PTK2: variants seen among roughly 807,000 people sequenced by gnomAD.
PTK2 encodes protein tyrosine kinase 2.
PTK2 carries 45 observed loss-of-function variants against 150.1 expected under a neutral mutation model. That is an observed-to-expected ratio of 0.30 (90% CI 0.24 to 0.38). The LOEUF (loss-of-function observed/expected upper bound fraction) is 0.38, where lower values mean the gene tolerates loss of function less well. PTK2 is among the 10% of genes least tolerant of loss of function. The pLI is 1.00. For missense variants in PTK2, 919 were observed against 1,307.3 expected (o/e 0.70, Z 4.58); for synonymous variants, 432 against 449.2 (o/e 0.96, Z 0.48).
At chr8:140,872,152 C>A (rs1262164499) in intron 4 of PTK2, among the ~76,000 whole-genome samples, 1 of 152,182 alleles carries the variant, frequency 6.6e-6, no homozygotes, top group East Asian at 1.9e-4. Flanking sequence ...TCAAGCGATT[C>A]TCCAGCCTCA....
chr8:140,774,370 G>A (rs1031934095), intron 14 of PTK2, among the ~76,000 whole-genome samples: 1 of 152,196 alleles, frequency 6.6e-6, no homozygotes, highest in African/African-American at 2.4e-5. Flanking sequence ...GATAAGAAAA[G>A]CAGTTTGAAC....
intron 31 of PTK2, among the ~76,000 whole-genome samples, chr8:140,661,149 C>A (rs1650272414): frequency 6.6e-6 from 1 of 152,176 alleles, no homozygotes; most frequent in African/African-American, 2.4e-5. Context: ...GTGAAAGCCA[C>A]ACCTAGTTGA....
At chr8:140,892,466 G>C (rs2100154566) in intron 2 of PTK2, 1 of 257,574 alleles carries the variant, frequency 3.9e-6, no homozygotes, top group Non-Finnish European at 7.7e-6. Flanking sequence ...AGCCCAAGAG[G>C]GGAAGGCTAC....
chr8:140,763,345 A>G (rs1210676847), intron 15 of PTK2, among the ~76,000 whole-genome samples: 1 of 152,154 alleles, frequency 6.6e-6, no homozygotes, highest in Non-Finnish European at 1.5e-5. Context: ...CACCTATAAC[A>G]TTTATTTTAC....
chr8:140,706,432 C>A lies in PTK2; in HGVS notation c.2143-227G>T, dbSNP rs575213142. Among the ~76,000 whole-genome samples the A allele has an allele frequency of 5.3e-5, 8 of 152,300 alleles. 1 individual carries two copies. The highest frequency in any genetic ancestry group is 9.6e-5 in the African/African-American group (4 of 41,568). On this transcript the variant is annotated intron_variant, in intron 23 of 31. Transcript: ENST00000522684. The stretch of plus-strand genomic sequence containing the variant: ...GTCTGACCTCTTCCTCCCACATGCA[C>A]AAAAATTAACTCAAAATGAATTACA...
chr8:140,923,852 G>A (rs1212911381), intron 2 of PTK2, among the ~76,000 whole-genome samples: 3 of 151,966 alleles, frequency 2.0e-5, no homozygotes, highest in Non-Finnish European at 2.9e-5. Flanking sequence ...GCCTCACCCC[G>A]GCCCAGGCTG....
chr8:140,795,737 C>T (rs185591490), intron 12 of PTK2, among the ~76,000 whole-genome samples: 2 of 152,318 alleles, frequency 1.3e-5, no homozygotes, highest in African/African-American at 4.8e-5. Flanking sequence ...AGGAGCTCAA[C>T]AACTACATGT....
At chr8:140,740,518 G>C (rs2154432307) in intron 20 of PTK2, among the ~76,000 whole-genome samples, 1 of 152,322 alleles carries the variant, frequency 6.6e-6, no homozygotes, top group South Asian at 2.1e-4. Flanking sequence ...GGAGCATTTT[G>C]AAGAATCTCT....
intron 1 of PTK2, among the ~76,000 whole-genome samples, chr8:140,956,512 T>A (rs2100181269): frequency 6.6e-6 from 1 of 152,252 alleles, no homozygotes; most frequent in East Asian, 1.9e-4. Context: ...TGTGCACTTT[T>A]AATTATCATT....
intron 1 of PTK2, among the ~76,000 whole-genome samples, chr8:140,950,235 G>A (rs760289197): frequency 2.3e-4 from 35 of 152,250 alleles, no homozygotes; most frequent in Middle Eastern, 6.8e-3. Flanking sequence ...ACTAAAACAC[G>A]GCCTCCTGCT....
At chr8:140,765,642 G>T (rs927380231) in intron 14 of PTK2, among the ~76,000 whole-genome samples, 15 of 152,046 alleles carry the variant, frequency 9.9e-5, no homozygotes, top group Admixed American at 3.9e-4. Flanking sequence ...AGTTTTAATA[G>T]ACTCCAAATC....
chr8:140,960,606 C>T (rs2100182804), intron 1 of PTK2, among the ~76,000 whole-genome samples: 1 of 152,210 alleles, frequency 6.6e-6, no homozygotes, highest in Non-Finnish European at 1.5e-5. Context: ...AGCATGATCT[C>T]ATACTGAATG....
At chr8:140,846,195 T>C (rs2100125331) in intron 7 of PTK2, 65 bp downstream of exon 7, 3 of 1,337,408 alleles carry the variant, frequency 2.2e-6, no homozygotes, top group Non-Finnish European at 3.1e-6. Context: ...AGTATTTAAT[T>C]TTAAAATAAA....
chr8:140,708,910 A>C (rs758878941), intron 23 of PTK2, among the ~76,000 whole-genome samples: 2 of 151,910 alleles, frequency 1.3e-5, no homozygotes, highest in African/African-American at 2.4e-5. Context: ...AGAGCCAGGG[A>C]CCAGAACAAT....
At chr8:140,846,233 G>A (rs373522288) in intron 7 of PTK2, 27 bp downstream of exon 7, 8 of 1,542,394 alleles carry the variant, frequency 5.2e-6, no homozygotes, top group African/African-American at 1.4e-5. Flanking sequence ...CATATTTGCA[G>A]GTATAGATTG....
At chr8:140,946,090 G>T (rs941874082) in intron 1 of PTK2, among the ~76,000 whole-genome samples, 1 of 152,156 alleles carries the variant, frequency 6.6e-6, no homozygotes, top group East Asian at 1.9e-4. Flanking sequence ...GAAAGCTCCA[G>T]GAGGGGTGTG....
intron 14 of PTK2, 76 bp from the exon 16 acceptor site, chr8:140,769,668 A>G (rs2100074461): frequency 2.0e-6 from 2 of 998,840 alleles, no homozygotes; most frequent in Admixed American, 2.2e-5. Context: ...AGAAGAGGGA[A>G]GAGAGGGGAA....
chr8:140,910,088 C>T (rs745416805), intron 2 of PTK2, among the ~76,000 whole-genome samples: 2 of 152,010 alleles, frequency 1.3e-5, no homozygotes, highest in Non-Finnish European at 2.9e-5. Context: ...TAAGAATATA[C>T]AATAGTCAGG....
chr8:140,906,980 C>G (rs1034917930), intron 2 of PTK2, among the ~76,000 whole-genome samples: 2 of 152,126 alleles, frequency 1.3e-5, no homozygotes, highest in Non-Finnish European at 2.9e-5. Context: ...AAGAAACTCA[C>G]AGTTATTAAG....
Sources: allele counts gnomAD v4.1 joint callset (sites outside exome capture counted in the v4.1 genomes callset), GRCh38; gene constraint gnomAD v4.1.1; transcripts MANE v1.5; gene names NCBI Gene and HGNC (gene_info 2026-07-23, HGNC 2026-07-21).